The following LRMDA variants were observed in gnomAD, a reference collection of about 807,000 sequenced individuals.
The protein encoded by LRMDA is leucine rich melanocyte differentiation associated.
LRMDA carries 18 observed loss-of-function variants against 29.8 expected under a neutral mutation model. The observed-to-expected ratio is 0.60, with a 90% CI of 0.42 to 0.90. The LOEUF (loss-of-function observed/expected upper bound fraction) is 0.90, where lower values mean the gene tolerates loss of function less well. Ranked by LOEUF, LRMDA falls within the 40% of genes least tolerant of loss-of-function variation. LRMDA has a pLI of 0.00. For missense variants in LRMDA, 273 were observed against 273.9 expected (o/e 1.00, Z 0.02); for synonymous variants, 125 against 109.4 (o/e 1.14, Z -0.89).
chr10:75,726,424 A>G (rs991269286), intron 2 of LRMDA, among the ~76,000 whole-genome samples: 6 of 152,208 alleles, frequency 3.9e-5, no homozygotes, highest in Non-Finnish European at 8.8e-5. Flanking sequence ...CACCTGCAGA[A>G]AGGGCATGCA....
chr10:75,722,122 ACTC>A (rs751948076), intron 2 of LRMDA, among the ~76,000 whole-genome samples: 6 of 151,930 alleles, frequency 3.9e-5, no homozygotes, highest in Non-Finnish European at 2.9e-5. Context: ...CCATCTTTGA[ACTC>A]CTCGTAACAA....
At chr10:75,843,296 A>G (rs973320102) in intron 2 of LRMDA, among the ~76,000 whole-genome samples, 9 of 152,208 alleles carry the variant, frequency 5.9e-5, no homozygotes, top group Admixed American at 5.9e-4. Flanking sequence ...GGTTTCCTGA[A>G]ATGAGGAAAT....
chr10:75,975,586 C>T (rs1224145589), intron 2 of LRMDA, among the ~76,000 whole-genome samples: 1 of 152,144 alleles, frequency 6.6e-6, no homozygotes, highest in African/African-American at 2.4e-5. Flanking sequence ...TTTCTGTGGC[C>T]TTCCATGAAA....
chr10:75,966,027 A>G, intron 2 of LRMDA, among the ~76,000 whole-genome samples: 1 of 152,224 alleles, frequency 6.6e-6, no homozygotes, highest in Non-Finnish European at 1.5e-5. Flanking sequence ...CTAATCTAGC[A>G]TATCATTGCT....
rs1490067735 is a variant in LRMDA, at chr10:75,661,912, T to C, written c.131+223418T>C. Reference sequence around the variant, plus strand: ...AAAATGGATTGAGGCTTGGGTTTCATAAGGCTGTTTCTCAGTTCCAGTATA... The same window carrying C: ...AAAATGGATTGAGGCTTGGGTTTCACAAGGCTGTTTCTCAGTTCCAGTATA... On this transcript the variant is annotated intron_variant, in intron 2 of 6. Transcript: ENST00000611255. Among the ~76,000 whole-genome samples the C allele has an allele frequency of 2.0e-5, 3 of 152,162 alleles. No homozygotes were observed. The East Asian group carries it at 5.8e-4, about 29-fold the overall frequency.
intron 6 of LRMDA, among the ~76,000 whole-genome samples, chr10:76,355,298 A>G (rs1206317813): frequency 2.6e-5 from 4 of 152,186 alleles, no homozygotes; most frequent in Non-Finnish European, 5.9e-5. Context: ...AGAAGCTCTT[A>G]TGGATGAGGT....
At chr10:75,912,125 A>T (rs1015478033) in intron 2 of LRMDA, among the ~76,000 whole-genome samples, 44 of 152,130 alleles carry the variant, frequency 2.9e-4, no homozygotes, top group African/African-American at 1.1e-3. Context: ...CTCCAGCTGG[A>T]CACAGTGGGA....
rs139451715 is a variant in LRMDA at position 76,268,335 on chromosome 10, C to T, written c.517-56066C>T. ...AAGTAGATCATCTCCTCCTGTTGCT[C>T]ATTCCTGGATGTCCTGCTTCTCTCC... On this transcript the variant is annotated intron_variant, in intron 5 of 6. Transcript: ENST00000611255. Among the ~76,000 whole-genome samples the T allele has an allele frequency of 2.0e-4, 31 of 152,316 alleles. 1 individual carries two copies. The East Asian group carries it at 5.8e-3, about 28-fold the overall frequency.
chr10:75,458,867 A>G (rs891021759), intron 2 of LRMDA, among the ~76,000 whole-genome samples: 2 of 152,198 alleles, frequency 1.3e-5, no homozygotes, highest in African/African-American at 4.8e-5. Context: ...TGCAAGGAGC[A>G]AGCGGCTATT....
chr10:75,535,931 G>A (rs1839938976), intron 2 of LRMDA, among the ~76,000 whole-genome samples: 1 of 152,204 alleles, frequency 6.6e-6, no homozygotes. Context: ...TAAATTGGCT[G>A]TATGACTTTG....
chr10:75,886,915 G>A (rs1164222054), intron 2 of LRMDA, among the ~76,000 whole-genome samples: 2 of 152,186 alleles, frequency 1.3e-5, no homozygotes, highest in African/African-American at 4.8e-5. Flanking sequence ...AGGTTCTTGT[G>A]CTTTTCTACT....
intron 2 of LRMDA, among the ~76,000 whole-genome samples, chr10:75,947,600 C>T (rs1846499305): frequency 6.6e-6 from 1 of 152,154 alleles, no homozygotes; most frequent in South Asian, 2.1e-4. Flanking sequence ...GCTGGGTGAC[C>T]TTGGGCAAGT....
rs532226461 is a variant in LRMDA, at chr10:75,857,453, T to C, written c.132-178555T>C. Among the ~76,000 whole-genome samples the C allele has an allele frequency of 5.3e-5, 8 of 152,274 alleles. No individual in the cohort carries two copies. In the South Asian group the frequency reaches 1.7e-3, roughly 32 times the overall value. On this transcript the variant is annotated intron_variant, in intron 2 of 6. Transcript: ENST00000611255. ...CCCCTAAGGCTCTTGGAATGCCCCA[T>C]GTAAAGAGATGCAAAAAGATATCCC...
intron 6 of LRMDA, among the ~76,000 whole-genome samples, chr10:76,461,273 A>G (rs1842509289): frequency 6.6e-6 from 1 of 152,174 alleles, no homozygotes; most frequent in African/African-American, 2.4e-5. Flanking sequence ...ATCAAGAACC[A>G]AAGTCCTGTG....
intron 2 of LRMDA, among the ~76,000 whole-genome samples, chr10:75,498,859 C>T (rs1845078887): frequency 6.6e-6 from 1 of 152,106 alleles, no homozygotes; most frequent in South Asian, 2.1e-4. Context: ...GGGGTTTGGC[C>T]TTCCACGAAT....
At position 75,934,688 on chromosome 10, in the gene LRMDA, C is replaced by T. The variant is rs888798486; in HGVS notation, c.132-101320C>T. ...CCACTCGGCCAGCAGGATGGGCACT[C>T]TCGGTCAGTGCCTGCAAATGGTGTT... On this transcript the variant is annotated intron_variant, in intron 2 of 6. Transcript: ENST00000611255. Among the ~76,000 whole-genome samples, 10 of 152,062 alleles carry T rather than the reference C, an allele frequency of 6.6e-5. 1 individual carries two copies. The highest frequency in any genetic ancestry group is 3.9e-4 in the Admixed American group (6 of 15,270).
At chr10:75,570,908 T>C (rs373856101) in intron 2 of LRMDA, among the ~76,000 whole-genome samples, 10 of 152,234 alleles carry the variant, frequency 6.6e-5, no homozygotes, top group Admixed American at 5.9e-4. Flanking sequence ...TAATCCACTT[T>C]AGCCAGTCAT....
At chr10:76,044,450 T>C (rs954007635) in intron 3 of LRMDA, among the ~76,000 whole-genome samples, 2 of 151,610 alleles carry the variant, frequency 1.3e-5, no homozygotes, top group African/African-American at 2.4e-5. Flanking sequence ...TTTTTTTTTT[T>C]TTTTTTCTTT....
At chr10:76,521,790 A>G (rs1257105284) in intron 6 of LRMDA, among the ~76,000 whole-genome samples, 1 of 152,178 alleles carries the variant, frequency 6.6e-6, no homozygotes, top group African/African-American at 2.4e-5. Flanking sequence ...TTTTGCCCCA[A>G]TTCTCTGTTA....
Sources: allele counts gnomAD v4.1 joint callset (sites outside exome capture counted in the v4.1 genomes callset), GRCh38; gene constraint gnomAD v4.1.1; transcripts MANE v1.5; gene names NCBI Gene and HGNC (gene_info 2026-07-23, HGNC 2026-07-21).